Variants in MYLK4 observed in about 807,000 individuals in gnomAD.
MYLK4 encodes the protein myosin light chain kinase family member 4, also known as caMLCK like.
MYLK4 carries 46 observed loss-of-function variants against 48.1 expected under a neutral mutation model. That is an observed-to-expected ratio of 0.96 (90% confidence interval 0.75 to 1.22). The LOEUF (loss-of-function observed/expected upper bound fraction) is 1.22. Ranked by LOEUF, MYLK4 falls within the 50% of genes most tolerant of loss-of-function variation. The probability of loss-of-function intolerance (pLI) is 0.00; values close to 1 mark genes in which losing one functional copy is unlikely to be tolerated. For missense variants in MYLK4, 451 were observed against 486.1 expected (o/e 0.93, Z 0.68); for synonymous variants, 170 against 180.8 (o/e 0.94, Z 0.48).
chr6:2,677,151 C>T (rs764348441), intron 10 of MYLK4, among the ~76,000 whole-genome samples: 45 of 152,296 alleles, frequency 3.0e-4, no homozygotes, highest in South Asian at 2.7e-3. Flanking sequence ...GTGTTAACCA[C>T]ATTTTATTAC....
Position 2,672,562 on chromosome 6 carries a change from T to C in MYLK4, c.1120-1214A>G, listed in dbSNP as rs193179386. On this transcript the variant is annotated intron_variant, in intron 11 of 12. Transcript: ENST00000274643. The surrounding 1 kb of genome is among the most constrained non-coding windows in gnomAD (Gnocchi z 4.3). ...AAAAATAGAATTTAGATTGAAATGG[T>C]AAACAGTTTTGGATCAGAATTAAAT... 4.4e-4 allele frequency among the ~76,000 whole-genome samples: 67 copies of C among 152,352 alleles called. No individual in the cohort carries two copies. The highest frequency in any genetic ancestry group is 1.4e-3 in the African/African-American group (57 of 41,572).
chr6:2,735,842 A>G (rs1484175554), intron 2 of MYLK4, among the ~76,000 whole-genome samples: 1 of 152,220 alleles, frequency 6.6e-6, no homozygotes, highest in African/African-American at 2.4e-5. Context: ...GAAACAATGA[A>G]GCGGAACAGA....
At chr6:2,725,137 T>TGA (rs1763209958) in intron 2 of MYLK4, among the ~76,000 whole-genome samples, 2 of 151,848 alleles carry the variant, frequency 1.3e-5, no homozygotes, top group East Asian at 1.9e-4. Context: ...GGCAGCAGAG[T>TGA]GAGACTCTGC....
chr6:2,716,141 ATC>A lies in MYLK4; in HGVS notation c.160-23284_160-23283del, dbSNP rs373669351. Among the ~76,000 whole-genome samples the A allele has an allele frequency of 3.2e-3, 487 of 152,350 alleles. 2 individuals are homozygous for A. Among genetic ancestry groups the A allele is most frequent in the African/African-American group, 0.01 (427 of 41,576 alleles). ...AGCACATTGGTTAAGACAGATAATT[ATC>A]TCTCTTTCCTAATTTCTTTCCCTCA... On this transcript the variant is annotated intron_variant, in intron 2 of 12. Coordinates refer to ENST00000274643, the MANE Select transcript of MYLK4 (RefSeq NM_001012418.5).
Position 2,703,665 on chromosome 6 carries a change from C to CTTTTTTT in MYLK4, c.160-10813_160-10807dup, listed in dbSNP as rs3055234. On this transcript the variant is annotated intron_variant, in intron 2 of 12. Transcript: ENST00000274643. ...TCAGGAAGGTTTCCCTTTGTGAATT[C>CTTTTTTT]TTTTTTTTTTTTTTTTTTTTTTTTG... 5.3e-3 allele frequency among the ~76,000 whole-genome samples: 505 copies of CTTTTTTT among 95,092 alleles called. 31 individuals are homozygous for CTTTTTTT. The highest frequency in any genetic ancestry group is 0.012 in the Middle Eastern group (1 of 86). The allele number at this position is 95,092 out of a possible 152,430, so 62.4% of individuals were successfully genotyped here.
chr6:2,760,638 G>C, the MYLK4 span, among the ~76,000 whole-genome samples: 2 of 151,988 alleles, frequency 1.3e-5, no homozygotes, highest in African/African-American at 4.8e-5. Flanking sequence ...GAGAAAGGCT[G>C]TATATACTCC....
intron 2 of MYLK4, among the ~76,000 whole-genome samples, chr6:2,715,693 G>A (rs1239002635): frequency 2.0e-5 from 3 of 152,148 alleles, no homozygotes; most frequent in Non-Finnish European, 2.9e-5. Flanking sequence ...TTACAGGTGA[G>A]GGTCAAAACC....
rs561791569 is a variant in MYLK4, at chr6:2,747,609, C to G, written c.159+1527G>C. ...GCCTCCAGTGATTCTCTTGCCCCAGCCTCCCAAAGTGCTGGGATTACAGGT... is the reference window on the plus strand; with the variant it reads ...GCCTCCAGTGATTCTCTTGCCCCAGGCTCCCAAAGTGCTGGGATTACAGGT... On this transcript the variant is annotated intron_variant, in intron 2 of 12. Transcript: ENST00000274643. Among the ~76,000 whole-genome samples, 5 of 152,284 alleles carry G rather than the reference C, an allele frequency of 3.3e-5. No individual in the cohort carries two copies. The South Asian group carries it at 1.0e-3, about 32-fold the overall frequency.
At chr6:2,766,735 C>G in the MYLK4 span, among the ~76,000 whole-genome samples, 1 of 152,188 alleles carries the variant, frequency 6.6e-6, no homozygotes, top group African/African-American at 2.4e-5. Flanking sequence ...TTTGATCTGC[C>G]TTTATCTTCC....
chr6:2,757,205 T>C, the MYLK4 span, among the ~76,000 whole-genome samples: 2 of 152,080 alleles, frequency 1.3e-5, no homozygotes, highest in Non-Finnish European at 2.9e-5. Context: ...AGCTATTATG[T>C]AATGACTCAT....
chr6:2,719,150 T>C (rs1228410703), intron 2 of MYLK4, among the ~76,000 whole-genome samples: 1 of 152,180 alleles, frequency 6.6e-6, no homozygotes, highest in African/African-American at 2.4e-5. Context: ...CAAAAGGCTC[T>C]TCAAAGGGCA....
At chr6:2,720,053 A>C (rs997704388) in intron 2 of MYLK4, among the ~76,000 whole-genome samples, 1 of 152,144 alleles carries the variant, frequency 6.6e-6, no homozygotes, top group Non-Finnish European at 1.5e-5. Flanking sequence ...AAGATTTCCC[A>C]GGTGATTCTA....
the MYLK4 span, chr6:2,769,994 T>G: frequency 1.5e-6 from 2 of 1,354,136 alleles, no homozygotes. Context: ...AATATAAGGC[T>G]GCTGCTATTC....
intron 3 of MYLK4, among the ~76,000 whole-genome samples, chr6:2,690,921 C>T (rs1274531602): frequency 2.0e-5 from 3 of 150,930 alleles, no homozygotes; most frequent in African/African-American, 7.3e-5. Context: ...GCTCCGCCTC[C>T]CGGATTCAAG....
At chr6:2,767,750 G>A in the MYLK4 span, among the ~76,000 whole-genome samples, 10 of 152,188 alleles carry the variant, frequency 6.6e-5, no homozygotes, top group African/African-American at 1.9e-4. Flanking sequence ...GAGACGAGTG[G>A]GTGAGCTCAT....
intron 2 of MYLK4, among the ~76,000 whole-genome samples, chr6:2,738,696 C>A (rs1453249445): frequency 6.6e-6 from 1 of 152,188 alleles, no homozygotes; most frequent in East Asian, 1.9e-4. Context: ...AACCAACCAA[C>A]CAAAGCAACA....
intron 2 of MYLK4, among the ~76,000 whole-genome samples, chr6:2,747,262 CAA>C (rs1325042374): frequency 6.6e-6 from 1 of 152,106 alleles, no homozygotes; most frequent in African/African-American, 2.4e-5. Flanking sequence ...ATTTAACTTC[CAA>C]ATCATCAACT....
intron 11 of MYLK4, among the ~76,000 whole-genome samples, chr6:2,671,678 G>A (rs1368745869): frequency 6.6e-6 from 1 of 152,222 alleles, no homozygotes; most frequent in African/African-American, 2.4e-5. Context: ...TATCACTTGC[G>A]ATACTGGGGC....
chr6:2,683,346 C>A (rs1391787180), intron 6 of MYLK4, among the ~76,000 whole-genome samples, 184 bp from the exon 7 acceptor site: 1 of 149,842 alleles, frequency 6.7e-6, no homozygotes, highest in East Asian at 2.0e-4. Context: ...TTTTATATAC[C>A]TTTAATCTCA....
Sources: gnomAD v4.1 joint callset for allele counts (sites outside exome capture counted in the v4.1 genomes callset) on GRCh38, gnomAD v4.1.1 for gene constraint, Gnocchi (gnomAD v3.1) non-coding constraint, MANE v1.5 for transcripts, NCBI Gene and HGNC (gene_info 2026-07-23, HGNC 2026-07-21) for gene names.